The following KCND3 variants were observed in gnomAD, a reference collection of about 807,000 sequenced individuals.
The protein encoded by KCND3 is A-type voltage-gated potassium channel KCND3.
Under a neutral mutation model 51.1 loss-of-function variants are expected in KCND3, and 9 were observed. That is an observed-to-expected ratio of 0.18 (90% CI 0.11 to 0.31). The LOEUF (loss-of-function observed/expected upper bound fraction) is 0.31, where lower values mean the gene tolerates loss of function less well. KCND3 is among the 10% of genes least tolerant of loss of function. The pLI, the probability that KCND3 is intolerant of heterozygous loss-of-function variation, is 1.00. For synonymous variants in KCND3, 349 were observed against 368.0 expected (o/e 0.95, Z 0.59); for missense variants, 526 against 903.8 (o/e 0.58, Z 5.36).
chr1:111,787,121 G>C lies in KCND3; in HGVS notation c.1107-15C>G. ...TGTCTCCGTATCTGAGAGAGGGAGA[G>C]AAACAGGGTGTAAGGGAGAGAGGGC... On this transcript the variant is annotated splice_polypyrimidine_tract_variant and intron_variant, in intron 2 of 7. Transcript: ENST00000302127. 1 of 1,613,982 alleles carries C rather than the reference G, an allele frequency of 6.2e-7. No individual in the cohort carries two copies. The highest frequency in any genetic ancestry group is 8.5e-7 in the Non-Finnish European group (1 of 1,179,926).
intron 2 of KCND3, among the ~76,000 whole-genome samples, chr1:111,804,197 G>A (rs1357463227): frequency 6.6e-6 from 1 of 152,240 alleles, no homozygotes; most frequent in Non-Finnish European, 1.5e-5. Flanking sequence ...ACAGGGTAAT[G>A]CTATGGCCAG....
chr1:111,777,023 C>T lies in KCND3; in HGVS notation c.1766+3G>A, dbSNP rs748524463. 1.5e-5 allele frequency: 24 copies of T among 1,613,210 alleles called. No individual in the cohort carries two copies. The East Asian group carries it at 4.9e-4, about 33-fold the overall frequency. On this transcript the variant is annotated splice_donor_region_variant and intron_variant, in intron 7 of 7. Coordinates refer to ENST00000302127, the MANE Select transcript of KCND3 (RefSeq NM_001378969.1). ...TGCGGGTGATGGGATGGAAGCCACC[C>T]ACCTGGTTGTGAGGGAGGGCTGCTC...
chr1:111,923,409 C>A (rs558708192), intron 2 of KCND3, among the ~76,000 whole-genome samples: 3 of 152,290 alleles, frequency 2.0e-5, no homozygotes, highest in African/African-American at 7.2e-5. Flanking sequence ...TGCCCTATAC[C>A]CTTCTTCCTG....
At chr1:111,902,524 C>T (rs757650633) in intron 2 of KCND3, among the ~76,000 whole-genome samples, 2 of 152,148 alleles carry the variant, frequency 1.3e-5, no homozygotes, top group African/African-American at 2.4e-5. Flanking sequence ...TTCTACTAGC[C>T]CTGCTTCCTC....
intron 2 of KCND3, among the ~76,000 whole-genome samples, chr1:111,928,317 C>A (rs1222258909): frequency 6.6e-6 from 1 of 152,118 alleles, no homozygotes. Flanking sequence ...TCACCTACTC[C>A]CCGGGAAGCT....
chr1:111,826,338 A>G (rs1312242593), intron 2 of KCND3, among the ~76,000 whole-genome samples: 1 of 152,170 alleles, frequency 6.6e-6, no homozygotes, highest in Non-Finnish European at 1.5e-5. Context: ...TGTTGGAAGT[A>G]TATGTGAATT....
At chr1:111,872,609 T>TTA (rs1571774346) in intron 2 of KCND3, among the ~76,000 whole-genome samples, 1 of 151,742 alleles carries the variant, frequency 6.6e-6, no homozygotes, top group African/African-American at 2.4e-5. Context: ...AGTGTTTTTT[T>TTA]ATGGAAGGAG....
At chr1:111,973,895 C>T (rs187308496) in intron 2 of KCND3, among the ~76,000 whole-genome samples, 14 of 152,268 alleles carry the variant, frequency 9.2e-5, no homozygotes, top group Admixed American at 5.9e-4. Flanking sequence ...ACAAAGGAGG[C>T]GTCCCCAGCC....
intron 2 of KCND3, among the ~76,000 whole-genome samples, chr1:111,949,717 C>A (rs551525891): frequency 2.1e-4 from 32 of 151,806 alleles, no homozygotes; most frequent in Middle Eastern, 6.8e-3. Flanking sequence ...TATCTTTGTA[C>A]CCTTCCGGTT....
In KCND3 at chr1:111,771,417, CCAAG is replaced by C. The variant is rs1411632968; in HGVS notation, c.*4656_*4659del. ...ATAAAAGTTTGTCATGGTTACCATG[CCAAG>C]TAGTGTAGAAAGGAAATGAATATTG... On this transcript the variant is annotated 3_prime_UTR_variant, in exon 8 of 8. Transcript: ENST00000302127. 8 of 152,100 alleles carry C rather than the reference CCAAG, an allele frequency of 5.3e-5. No individual in the cohort carries two copies. Among genetic ancestry groups the C allele is most frequent in the Non-Finnish European group, 1.2e-4 (8 of 68,012 alleles). The allele number at this position is 152,100 out of a possible 1,614,324, so 9.4% of individuals were successfully genotyped here.
chr1:111,888,826 C>T (rs1179491231), intron 2 of KCND3, among the ~76,000 whole-genome samples: 2 of 151,832 alleles, frequency 1.3e-5, no homozygotes, highest in Non-Finnish European at 2.9e-5. Context: ...GAGAGGCAAG[C>T]ATGCATTAAG....
chr1:111,867,182 G>A (rs1668618752), intron 2 of KCND3, among the ~76,000 whole-genome samples: 1 of 152,048 alleles, frequency 6.6e-6, no homozygotes, highest in African/African-American at 2.4e-5. Context: ...CTTAATTGAT[G>A]GTCCCACCAT....
chr1:111,971,222 T>C (rs1323453009), intron 2 of KCND3, among the ~76,000 whole-genome samples: 2 of 151,814 alleles, frequency 1.3e-5, no homozygotes, highest in Admixed American at 6.6e-5. Context: ...TTATTATTAT[T>C]ATTATTTTAG....
intron 2 of KCND3, among the ~76,000 whole-genome samples, chr1:111,827,097 G>A (rs1666612594): frequency 6.6e-6 from 1 of 152,246 alleles, no homozygotes; most frequent in African/African-American, 2.4e-5. Context: ...TTGGGATTAG[G>A]AATACTTAGC....
chr1:111,861,990 G>A (rs888567493), intron 2 of KCND3, among the ~76,000 whole-genome samples: 1 of 152,148 alleles, frequency 6.6e-6, no homozygotes, highest in Non-Finnish European at 1.5e-5. Flanking sequence ...ACAAACTGCA[G>A]CTGCCTGCTC....
chr1:111,892,601 C>G (rs1337694372), intron 2 of KCND3, among the ~76,000 whole-genome samples: 1 of 152,176 alleles, frequency 6.6e-6, no homozygotes, highest in Non-Finnish European at 1.5e-5. Context: ...ATAGTACATT[C>G]TATGAGGGAA....
chr1:111,927,674 C>T (rs1248714279), intron 2 of KCND3, among the ~76,000 whole-genome samples: 1 of 152,236 alleles, frequency 6.6e-6, no homozygotes, highest in African/African-American at 2.4e-5. Flanking sequence ...ATTCATCCAA[C>T]AAGCATTCAC....
chr1:111,960,274 C>T (rs1673576026), intron 2 of KCND3, among the ~76,000 whole-genome samples: 1 of 152,184 alleles, frequency 6.6e-6, no homozygotes, highest in Non-Finnish European at 1.5e-5. Flanking sequence ...CAGCAGACCC[C>T]ATGTAAATGC....
intron 2 of KCND3, among the ~76,000 whole-genome samples, chr1:111,850,234 C>G (rs1306732678): frequency 6.6e-6 from 1 of 152,158 alleles, no homozygotes; most frequent in Admixed American, 6.5e-5. Flanking sequence ...CTCCTGGCAC[C>G]CTCAGTTGGC....
Sources: gnomAD v4.1 joint callset for allele counts (sites outside exome capture counted in the v4.1 genomes callset) on GRCh38, gnomAD v4.1.1 for gene constraint, MANE v1.5 for transcripts, NCBI Gene and HGNC (gene_info 2026-07-23, HGNC 2026-07-21) for gene names.